Variants in RHOG observed in about 807,000 individuals in gnomAD.
RHOG encodes rho-related GTP-binding protein RhoG.
In RHOG, 1 loss-of-function variant was observed where a neutral mutation model predicts 12.3. That is an observed-to-expected ratio of 0.08 (90% CI 0.03 to 0.39). RHOG has a LOEUF of 0.39. Among genes scored for constraint, RHOG ranks in the 10% least tolerant of loss-of-function variants. The pLI, the probability that RHOG is intolerant of heterozygous loss-of-function variation, is 0.99. For synonymous variants in RHOG, 129 were observed against 116.0 expected (o/e 1.11, Z -0.72); for missense variants, 114 against 266.2 (o/e 0.43, Z 3.98).
chr11:3,828,043 G>A lies in RHOG; in HGVS notation c.96C>T (p.Tyr32=), dbSNP rs764657068. ...TGTAATTGTCGAACACGGTGGGGAT[G>A]TACTCTTTGGGGAAAGCGTTAGTTG... ...CYTTNAFPKE[Y]IPTVFDNYSA... The change falls in exon 2 of 2, where the codon TAC becomes TAT. Residue 32 remains tyrosine, a synonymous_variant. Transcript: ENST00000351018. 9.9e-6 allele frequency: 16 copies of A among 1,614,156 alleles called. No homozygotes were observed. In the East Asian group the frequency reaches 3.1e-4, roughly 31 times the overall value.
chr11:3,828,622 A>ATTT (rs755612599), intron 1 of RHOG, among the ~76,000 whole-genome samples: 24,950 of 125,552 alleles, frequency 0.2, 3,086 homozygotes, highest in Middle Eastern at 0.26. Context: ...AGTATTAGCT[A>ATTT]TTTTTTTTTT....
intron 1 of RHOG, among the ~76,000 whole-genome samples, chr11:3,832,239 C>T (rs949487933): frequency 6.6e-6 from 1 of 152,178 alleles, no homozygotes; most frequent in Admixed American, 6.5e-5. Flanking sequence ...CCTGTTAGTA[C>T]TATGCCTATT....
At chr11:3,834,323 G>C (rs187104286) in intron 1 of RHOG, among the ~76,000 whole-genome samples, 1 of 152,084 alleles carries the variant, frequency 6.6e-6, no homozygotes, top group Non-Finnish European at 1.5e-5. Context: ...TGAAGCCTTG[G>C]CTTCTCTGGA....
At chr11:3,839,877 G>T (rs1167423433) in intron 1 of RHOG, among the ~76,000 whole-genome samples, 2 of 152,116 alleles carry the variant, frequency 1.3e-5, no homozygotes, top group Non-Finnish European at 2.9e-5. Context: ...GGGAAGGGAT[G>T]GGGCAGGTTG....
intron 1 of RHOG, among the ~76,000 whole-genome samples, chr11:3,836,736 T>TA (rs2090159089): frequency 6.6e-6 from 1 of 150,682 alleles, no homozygotes; most frequent in Non-Finnish European, 1.5e-5. Context: ...CCATCTCTAC[T>TA]AAAAAATACA....
chr11:3,835,632 G>A (rs1565084306), intron 1 of RHOG, among the ~76,000 whole-genome samples: 1 of 152,172 alleles, frequency 6.6e-6, no homozygotes, highest in African/African-American at 2.4e-5. Flanking sequence ...GCCCAAAGTT[G>A]GGGTAATAAA....
rs549658680 is a variant in RHOG, at chr11:3,828,940, T to C, written c.-68-734A>G. 8.6e-5 allele frequency among the ~76,000 whole-genome samples: 13 copies of C among 151,610 alleles called. No homozygotes were observed. In the South Asian group the frequency reaches 2.7e-3, roughly 32 times the overall value. On this transcript the variant is annotated intron_variant, in intron 1 of 1. Coordinates refer to ENST00000351018, the MANE Select transcript of RHOG (RefSeq NM_001665.4). ...TGGCCAGTATTAGCTATTTTTTTTT[T>C]CCAGGCTATACAGACACAAAAGGAG...
At chr11:3,836,902 C>CAAAAA (rs57344316) in intron 1 of RHOG, among the ~76,000 whole-genome samples, 6 of 29,252 alleles carry the variant, frequency 2.1e-4, no homozygotes, top group African/African-American at 5.7e-4. Flanking sequence ...GACTCCATCT[C>CAAAAA]AAAAAAAAAA....
At chr11:3,839,441 G>C (rs1565085485) in intron 1 of RHOG, among the ~76,000 whole-genome samples, 1 of 151,448 alleles carries the variant, frequency 6.6e-6, no homozygotes, top group African/African-American at 2.4e-5. Context: ...CAGTTATTTT[G>C]TCTGTAAGAG....
At position 3,827,498 on chromosome 11, in the gene RHOG, G is replaced by T; in HGVS notation, c.*65C>A. The T allele has an allele frequency of 1.5e-6, 2 of 1,369,374 alleles. No individual in the cohort carries two copies. The highest frequency in any genetic ancestry group is 2.0e-6 in the Non-Finnish European group (2 of 986,324). 84.8% of individuals were successfully genotyped at this position (1,369,374 alleles called of 1,614,324 possible). On this transcript the variant is annotated 3_prime_UTR_variant, in exon 2 of 2. Coordinates refer to ENST00000351018, the MANE Select transcript of RHOG (RefSeq NM_001665.4). The surrounding 1 kb of genome is among the most constrained non-coding windows in gnomAD (Gnocchi z 7.3). ...TAGTCCTTAAGGCACAGCTGAGGCG[G>T]ACAAGGCACCAAGGCACAACTGGTG... is the stretch of plus-strand genomic sequence containing the variant.
In RHOG at chr11:3,828,223, G is replaced by A; in HGVS notation, c.-68-17C>T. ...TGCAGTGACCTGTGGACAGATGAAAGGGGACATTCTTGGTTAGGGAGGCCT... is the reference window on the plus strand; with the variant it reads ...TGCAGTGACCTGTGGACAGATGAAAAGGGACATTCTTGGTTAGGGAGGCCT... On this transcript the variant is annotated splice_polypyrimidine_tract_variant and intron_variant, in intron 1 of 1. Coordinates refer to ENST00000351018, the MANE Select transcript of RHOG (RefSeq NM_001665.4). The A allele has an allele frequency of 7.8e-7, 1 of 1,286,686 alleles. No individual in the cohort carries two copies. Among genetic ancestry groups the A allele is most frequent in the Non-Finnish European group, 1.1e-6 (1 of 923,004 alleles). The allele number at this position is 1,286,686 out of a possible 1,614,324, so 79.7% of individuals were successfully genotyped here.
In RHOG at chr11:3,827,505, C is replaced by T. The variant is rs902539446; in HGVS notation, c.*58G>A. ...TAAGGCACAGCTGAGGCGGACAAGG[C>T]ACCAAGGCACAACTGGTGGGGGGAG... On this transcript the variant is annotated 3_prime_UTR_variant, in exon 2 of 2. Transcript: ENST00000351018. The surrounding 1 kb of genome is among the most constrained non-coding windows in gnomAD (Gnocchi z 7.3). 8.8e-5 allele frequency: 125 copies of T among 1,421,738 alleles called. No individual in the cohort carries two copies. Among genetic ancestry groups the T allele is most frequent in the Middle Eastern group, 1.8e-4 (1 of 5,654 alleles). 88.1% of individuals were successfully genotyped at this position (1,421,738 alleles called of 1,614,324 possible).
intron 1 of RHOG, among the ~76,000 whole-genome samples, chr11:3,839,065 C>A (rs532102425): frequency 6.6e-6 from 1 of 152,198 alleles, no homozygotes; most frequent in Non-Finnish European, 1.5e-5. Flanking sequence ...TTGCCTCCGC[C>A]GCTTCTTAAG....
chr11:3,840,603 T>C (rs1422060154), intron 1 of RHOG: 1 of 149,996 alleles, frequency 6.7e-6, no homozygotes, highest in Non-Finnish European at 1.5e-5. Context: ...CTCTTCCACT[T>C]CAGAGACACT....
intron 1 of RHOG, among the ~76,000 whole-genome samples, chr11:3,835,408 T>G (rs775805864): frequency 2.0e-5 from 3 of 152,168 alleles, no homozygotes; most frequent in Non-Finnish European, 4.4e-5. Context: ...GTACTTTTCA[T>G]TGTGCTGAAC....
chr11:3,831,339 G>A (rs1401956771), intron 1 of RHOG, among the ~76,000 whole-genome samples: 1 of 152,152 alleles, frequency 6.6e-6, no homozygotes, highest in East Asian at 1.9e-4. Flanking sequence ...GGAGAGGAAT[G>A]GTTTCACTCT....
chr11:3,831,228 C>T (rs530131893), intron 1 of RHOG, among the ~76,000 whole-genome samples: 10 of 152,112 alleles, frequency 6.6e-5, no homozygotes, highest in Non-Finnish European at 1.2e-4. Context: ...AAAATCCCCA[C>T]TGGGAAGTGG....
At chr11:3,829,991 C>T (rs946084966) in intron 1 of RHOG, among the ~76,000 whole-genome samples, 3 of 152,132 alleles carry the variant, frequency 2.0e-5, no homozygotes, top group African/African-American at 4.8e-5. Context: ...GTGATCTGCC[C>T]GCCTTGGCCT....
chr11:3,839,602 AAC>A (rs112483411), intron 1 of RHOG, among the ~76,000 whole-genome samples: 36,788 of 141,348 alleles, frequency 0.26, 5,031 homozygotes, highest in African/African-American at 0.37. Context: ...CACACACGCA[AAC>A]ACACACACAC....
Sources: gnomAD v4.1 joint callset for allele counts (sites outside exome capture counted in the v4.1 genomes callset) on GRCh38, gnomAD v4.1.1 for gene constraint, Gnocchi (gnomAD v3.1) non-coding constraint, MANE v1.5 for transcripts, NCBI Gene and HGNC (gene_info 2026-07-23, HGNC 2026-07-21) for gene names.